The following SMARCAD1 variants were observed in gnomAD, a reference collection of about 807,000 sequenced individuals.
The protein encoded by SMARCAD1 is SWI/SNF-related matrix-associated actin-dependent regulator of chromatin subfamily A containing DEAD/H box 1.
A neutral mutation model predicts 127.1 loss-of-function variants in SMARCAD1; 25 were observed. The ratio of observed to expected loss-of-function variants is 0.20; its 90% CI spans 0.14 to 0.27. SMARCAD1 has a LOEUF of 0.27. SMARCAD1 is among the 10% of genes least tolerant of loss of function. SMARCAD1 has a pLI of 1.00. For synonymous variants in SMARCAD1, 400 were observed against 396.9 expected (o/e 1.01, Z -0.09); for missense variants, 807 against 1,206.0 (o/e 0.67, Z 4.90).
intron 16 of SMARCAD1, 115 bp from the exon 17 acceptor site, chr4:94,278,307 C>A: frequency 1.1e-6 from 1 of 904,792 alleles, no homozygotes; most frequent in Non-Finnish European, 1.8e-6. Context: ...AATCAAGTTT[C>A]TGCAGAAAAT....
chr4:94,261,455 T>C (rs752851306), intron 9 of SMARCAD1, among the ~76,000 whole-genome samples: 1 of 152,258 alleles, frequency 6.6e-6, no homozygotes, highest in Admixed American at 6.5e-5. Flanking sequence ...CTGGCACATA[T>C]CTTCAAAGCA....
intron 9 of SMARCAD1, among the ~76,000 whole-genome samples, chr4:94,257,808 T>G (rs1370416805): frequency 6.6e-6 from 1 of 152,192 alleles, no homozygotes; most frequent in African/African-American, 2.4e-5. Flanking sequence ...ATAGTTATAA[T>G]GCACTTTTTG....
In SMARCAD1 at chr4:94,226,292, A is replaced by G; in HGVS notation, c.364A>G (p.Ile122Val). 6 of 1,610,700 alleles carry G rather than the reference A, an allele frequency of 3.7e-6. No individual in the cohort carries two copies. Among genetic ancestry groups the G allele is most frequent in the Non-Finnish European group, 5.1e-6 (6 of 1,177,214 alleles). ...AACATTCAACAAAGATACAGTGATT[A>G]TAGTGTAAGCTGATTAATAGATATA... ...EKTFNKDTVIIVSEPSEDEES... is the reference protein window; with the variant it reads ...EKTFNKDTVIVVSEPSEDEES... The change falls in exon 3 of 24, where the codon ATA (isoleucine) becomes GTA (valine). Residue 122 changes from isoleucine to valine, a missense_variant. Physicochemically the swap from Ile to Val is conservative, Grantham distance 29. This residue lies in a region of SMARCAD1 where 175 missense variants were observed against 169.5 expected (regional missense o/e 1.03). Transcript: ENST00000354268.
intron 2 of SMARCAD1, among the ~76,000 whole-genome samples, chr4:94,217,728 T>C (rs1298459246): frequency 6.6e-6 from 1 of 152,242 alleles, no homozygotes; most frequent in Non-Finnish European, 1.5e-5. Flanking sequence ...TAATTATATG[T>C]CGAATAATAG....
intron 2 of SMARCAD1, chr4:94,212,963 G>A (rs190108210): frequency 3.1e-4 from 224 of 733,338 alleles, no homozygotes; most frequent in Admixed American, 2.5e-3. Flanking sequence ...ACTCTTCTCG[G>A]TGCCCAAAGT....
At chr4:94,260,499 A>G (rs780906258) in intron 9 of SMARCAD1, among the ~76,000 whole-genome samples, 8 of 151,936 alleles carry the variant, frequency 5.3e-5, no homozygotes, top group Non-Finnish European at 1.2e-4. Context: ...GTGCACCACC[A>G]CACCCAGTTA....
intron 6 of SMARCAD1, among the ~76,000 whole-genome samples, chr4:94,242,990 C>G (rs987112937): frequency 6.6e-6 from 1 of 152,110 alleles, no homozygotes; most frequent in East Asian, 1.9e-4. Context: ...TCTTTCTTTT[C>G]GAGACAGAGT....
chr4:94,249,815 G>C, intron 7 of SMARCAD1, 60 bp downstream of exon 7: 1 of 957,394 alleles, frequency 1.0e-6, no homozygotes, highest in African/African-American at 1.6e-5. Flanking sequence ...TTATAAAATA[G>C]TGTTAAGAGT....
rs536584468 is a variant in SMARCAD1 at position 94,249,889 on chromosome 4, A to G, written c.807+134A>G. 2.3e-3 allele frequency: 1,476 copies of G among 645,290 alleles called. 8 individuals are homozygous for G. Among genetic ancestry groups the G allele is most frequent in the Non-Finnish European group, 3.4e-3 (1,232 of 358,056 alleles). The allele number at this position is 645,290 out of a possible 1,614,324, so 40.0% of individuals were successfully genotyped here. ...CTAATTAAATGTTCTCCTTTTATCA[A>G]TGTTATAAAGTATTTTCATACTGTT... On this transcript the variant is annotated intron_variant, in intron 7 of 23. Coordinates refer to ENST00000354268, the MANE Select transcript of SMARCAD1 (RefSeq NM_020159.5).
chr4:94,287,896 T>C (rs1035427186), intron 23 of SMARCAD1, among the ~76,000 whole-genome samples: 2 of 152,084 alleles, frequency 1.3e-5, no homozygotes, highest in Non-Finnish European at 2.9e-5. Flanking sequence ...TTCATGCTTA[T>C]AATGCCAGCA....
At chr4:94,262,915 A>AG (rs1579262346) in intron 9 of SMARCAD1, among the ~76,000 whole-genome samples, 2 of 146,918 alleles carry the variant, frequency 1.4e-5, no homozygotes, top group East Asian at 4.2e-4. Context: ...AAAGAAAGAA[A>AG]AGAAATGGTA....
At chr4:94,265,261 G>T (rs1751560833) in intron 10 of SMARCAD1, among the ~76,000 whole-genome samples, 1 of 151,860 alleles carries the variant, frequency 6.6e-6, no homozygotes, top group Admixed American at 6.6e-5. Flanking sequence ...AAAAAAGTCA[G>T]CTGCTTAATT....
At chr4:94,247,596 A>G (rs1438341885) in intron 6 of SMARCAD1, among the ~76,000 whole-genome samples, 1 of 152,236 alleles carries the variant, frequency 6.6e-6, no homozygotes, top group Non-Finnish European at 1.5e-5. Context: ...GTACATTCAC[A>G]GTGTTGTATA....
intron 6 of SMARCAD1, among the ~76,000 whole-genome samples, chr4:94,247,302 C>T (rs1450157346): frequency 6.6e-6 from 1 of 152,104 alleles, no homozygotes; most frequent in African/African-American, 2.4e-5. Flanking sequence ...ATCCCTTGGG[C>T]CCGCTGAGAC....
In SMARCAD1 at chr4:94,248,442, C is replaced by T. The variant is rs753016554; in HGVS notation, c.706-1212C>T. On this transcript the variant is annotated intron_variant, in intron 6 of 23. Coordinates refer to ENST00000354268, the MANE Select transcript of SMARCAD1 (RefSeq NM_020159.5). ...TGTTCCCTCCTCAGCTGGTTGTTGT[C>T]CATCTGTGAGCTTTAAAATACTGTT... The T allele has an allele frequency of 2.4e-4, 110 of 455,820 alleles. 1 individual carries two copies. Among genetic ancestry groups the T allele is most frequent in the Non-Finnish European group, 4.5e-4 (101 of 226,764 alleles). The allele number at this position is 455,820 out of a possible 1,614,324, so 28.2% of individuals were successfully genotyped here.
intron 12 of SMARCAD1, among the ~76,000 whole-genome samples, chr4:94,274,239 G>A (rs911666745): frequency 6.6e-6 from 1 of 152,120 alleles, no homozygotes; most frequent in Non-Finnish European, 1.5e-5. Context: ...AAAACCTCAA[G>A]ATCATTTTAC....
Position 94,253,418 on chromosome 4 carries a change from T to C in SMARCAD1, c.1281+411T>C, listed in dbSNP as rs940099935. On this transcript the variant is annotated intron_variant, in intron 9 of 23. Coordinates refer to ENST00000354268, the MANE Select transcript of SMARCAD1 (RefSeq NM_020159.5). ...TTTACTACAACTACTTGAAGAGCAA[T>C]AGCAACGGCCAGGGGAGCTCCATGA... The C allele has an allele frequency of 4.0e-6, 5 of 1,239,760 alleles. No individual in the cohort carries two copies. In the African/African-American group the frequency reaches 4.7e-5, roughly 12 times the overall value. 76.8% of individuals were successfully genotyped at this position (1,239,760 alleles called of 1,614,324 possible).
intron 2 of SMARCAD1, among the ~76,000 whole-genome samples, chr4:94,222,942 C>T (rs904942309): frequency 5.9e-5 from 9 of 151,538 alleles, no homozygotes; most frequent in African/African-American, 2.2e-4. Context: ...CCAGCCTGGG[C>T]GACAGAGCAA....
chr4:94,288,587 C>T (rs1190345353), intron 23 of SMARCAD1, among the ~76,000 whole-genome samples: 4 of 151,784 alleles, frequency 2.6e-5, no homozygotes, highest in South Asian at 4.2e-4. Context: ...GTTTTTTTAA[C>T]AGAGAAAAGA....
Sources: allele counts gnomAD v4.1 joint callset (sites outside exome capture counted in the v4.1 genomes callset), GRCh38; gene constraint gnomAD v4.1.1; regional missense constraint gnomAD v4.1.1; transcripts MANE v1.5; gene names NCBI Gene and HGNC (gene_info 2026-07-23, HGNC 2026-07-21).